The following DPH7 variants were observed in gnomAD, a reference collection of about 807,000 sequenced individuals.
DPH7 encodes the protein diphthamide biosynthesis 7, also known as diphthine methyltransferase.
In DPH7, 44 loss-of-function variants were observed where a neutral mutation model predicts 41.7. That is an observed-to-expected ratio of 1.05 (90% CI 0.83 to 1.36). DPH7 has a LOEUF of 1.36. Among genes scored for constraint, DPH7 ranks in the 40% most tolerant of loss-of-function variants. The pLI, the probability that DPH7 is intolerant of heterozygous loss-of-function variation, is 0.00. For synonymous variants in DPH7, 275 were observed against 238.0 expected, an observed-to-expected ratio of 1.16 and a Z score of -1.43; for missense variants, 629 against 577.5, an observed-to-expected ratio of 1.09 and a Z score of -0.91.
In DPH7 at chr9:137,556,461, C is replaced by T. The variant is rs571206601; in HGVS notation, c.950-813G>A. The T allele has an allele frequency of 2.2e-5, 4 of 185,130 alleles. No individual in the cohort carries two copies. Among genetic ancestry groups the T allele is most frequent in the East Asian group, 3.4e-4 (2 of 5,870 alleles). The allele number at this position is 185,130 out of a possible 1,614,324, so 11.5% of individuals were successfully genotyped here. A position where few individuals can be genotyped will look rare whatever the true frequency, so the allele number is the denominator to read the frequency against. ...TACAGGGATTGATGCCAGCAGTGAC[C>T]GGAATCAGAACCAGAATGAGTGCTG... On this transcript the variant is annotated intron_variant, in intron 8 of 8. Transcript: ENST00000277540. The surrounding 1 kb of genome is among the most constrained non-coding windows in gnomAD (Gnocchi z 5.2).
chr9:137,556,677 G>A lies in DPH7; in HGVS notation c.950-1029C>T, dbSNP rs138895617. 10 of 364,342 alleles carry A rather than the reference G, an allele frequency of 2.7e-5. No individual in the cohort carries two copies. The highest frequency in any genetic ancestry group is 4.9e-5 in the Non-Finnish European group (9 of 183,374). The allele number at this position is 364,342 out of a possible 1,614,324, so 22.6% of individuals were successfully genotyped here. A position where few individuals can be genotyped will look rare whatever the true frequency, so the allele number is the denominator to read the frequency against. The stretch of plus-strand genomic sequence containing the variant: ...GGCCCTCGAGCAGCATGTGTGGGGC[G>A]ACCCTCGGGAGGAAGCCCCTGGGGA... On this transcript the variant is annotated intron_variant, in intron 8 of 8. Coordinates refer to ENST00000277540, the MANE Select transcript of DPH7 (RefSeq NM_138778.5). The surrounding 1 kb of genome is among the most constrained non-coding windows in gnomAD (Gnocchi z 5.2).
Position 137,564,591 on chromosome 9 carries a change from G to A in DPH7, c.792C>T (p.Ile264=). ...ILATGSYDEH[I]LLWDTRNMKQ... ...TCATGTTTCGTGTGTCCCACAGTAG[G>A]ATGTGTTCATCATAGCTGAAACCGA... The change falls in exon 8 of 9, where the codon ATC becomes ATT. Residue 264 remains isoleucine, a synonymous_variant. Transcript: ENST00000277540. The A allele has an allele frequency of 6.2e-7, 1 of 1,612,822 alleles. No homozygotes were observed.
At position 137,576,117 on chromosome 9, in the gene DPH7, CTGGCATCTGCCAAGCCCAAGA is replaced by C; in HGVS notation, c.317_337del (p.Leu106_Ser113delinsArg). 1 of 1,613,922 alleles carries C rather than the reference CTGGCATCTGCCAAGCCCAAGA, an allele frequency of 6.2e-7. No individual in the cohort carries two copies. The highest frequency in any genetic ancestry group is 8.5e-7 in the Non-Finnish European group (1 of 1,180,044). ...CAGGCGGAGCAGTTGTATGGATCCA[CTGGCATCTGCCAAGCCCAAGA>C]GGGCATGTCCAGCCACCGGGATGTG... is the stretch of plus-strand genomic sequence containing the variant. On this transcript the variant is annotated inframe_deletion, in exon 3 of 9. Transcript: ENST00000277540.
At position 137,555,229 on chromosome 9, in the gene DPH7, G is replaced by T; in HGVS notation, c.*10C>A. ...GTTTCCTTGTGGGAAGGGGCTTCAT[G>T]ATTTCAAGCTCAGTTCCCCTCCCAC... On this transcript the variant is annotated 3_prime_UTR_variant, in exon 9 of 9. Transcript: ENST00000277540. The T allele has an allele frequency of 6.3e-7, 1 of 1,575,596 alleles. No homozygotes were observed. Among genetic ancestry groups the T allele is most frequent in the Non-Finnish European group, 8.6e-7 (1 of 1,158,316 alleles).
rs1837557682 is a variant in DPH7 at position 137,556,665 on chromosome 9, CAT to C, written c.950-1019_950-1018del. On this transcript the variant is annotated intron_variant, in intron 8 of 8. Transcript: ENST00000277540. The surrounding 1 kb of genome is among the most constrained non-coding windows in gnomAD (Gnocchi z 5.2). ...GACAGCCACAGGGGCCCTCGAGCAGCATGTGTGGGGCGACCCTCGGGAGGAAG... is the reference window on the plus strand; with the variant it reads ...GACAGCCACAGGGGCCCTCGAGCAGCGTGTGGGGCGACCCTCGGGAGGAAG... The C allele has an allele frequency of 2.8e-6, 1 of 358,764 alleles. No individual in the cohort carries two copies. The highest frequency in any genetic ancestry group is 2.2e-5 in the African/African-American group (1 of 46,460). 22.2% of individuals were successfully genotyped at this position (358,764 alleles called of 1,614,324 possible).
intron 1 of DPH7, 190 bp downstream of exon 1, chr9:137,578,435 G>A (rs2133256869): frequency 1.7e-6 from 1 of 602,822 alleles, no homozygotes; most frequent in South Asian, 2.6e-5. Context: ...CAAAGTGCTG[G>A]GATTACAGGC....
At chr9:137,559,403 G>A (rs1056438582) in intron 8 of DPH7, among the ~76,000 whole-genome samples, 2 of 151,676 alleles carry the variant, frequency 1.3e-5, no homozygotes, top group African/African-American at 4.8e-5. Context: ...TAGCAGACCT[G>A]GAAAGGGAGT....
intron 3 of DPH7, 27 bp from the exon 4 acceptor site, chr9:137,574,870 A>G (rs1841108016): frequency 1.9e-6 from 3 of 1,612,346 alleles, no homozygotes; most frequent in Non-Finnish European, 2.5e-6. Flanking sequence ...AACTCCATCA[A>G]AGGGAAGTAG....
chr9:137,563,272 C>A (rs1216775502), intron 8 of DPH7, among the ~76,000 whole-genome samples: 3 of 152,158 alleles, frequency 2.0e-5, no homozygotes, highest in Non-Finnish European at 2.9e-5. Flanking sequence ...GTGGCTCACG[C>A]CTGTAATCCT....
At chr9:137,564,168 G>A in intron 8 of DPH7, among the ~76,000 whole-genome samples, 1 of 152,332 alleles carries the variant, frequency 6.6e-6, no homozygotes, top group African/African-American at 2.4e-5. Context: ...TCCCAGTGGG[G>A]TCAGAGGTCT....
At chr9:137,558,748 T>G (rs1410559216) in intron 8 of DPH7, among the ~76,000 whole-genome samples, 1 of 152,070 alleles carries the variant, frequency 6.6e-6, no homozygotes, top group South Asian at 2.1e-4. Flanking sequence ...TTATTTTTTA[T>G]TTTTTTTGAG....
chr9:137,571,169 C>T (rs1840362385), intron 5 of DPH7, among the ~76,000 whole-genome samples: 1 of 152,044 alleles, frequency 6.6e-6, no homozygotes, highest in Admixed American at 6.6e-5. Context: ...CCACCCCATC[C>T]TCAAAATGTA....
chr9:137,570,939 CT>C (rs1840323189), intron 5 of DPH7, among the ~76,000 whole-genome samples: 1 of 152,132 alleles, frequency 6.6e-6, no homozygotes, highest in African/African-American at 2.4e-5. Context: ...CATATTATGC[CT>C]TGTGTTTACT....
intron 2 of DPH7, 30 bp from the exon 3 acceptor site, chr9:137,576,197 A>C (rs1222437106): frequency 6.3e-7 from 1 of 1,598,056 alleles, no homozygotes; most frequent in Non-Finnish European, 8.6e-7. Context: ...TAAGCACACC[A>C]ATGTGCCCGG....
chr9:137,577,146 T>C (rs141490381), intron 2 of DPH7, among the ~76,000 whole-genome samples: 50 of 152,268 alleles, frequency 3.3e-4, no homozygotes, highest in African/African-American at 1.0e-3. Context: ...CGTGCTCCAT[T>C]GTTGACCAAA....
chr9:137,569,969 C>G (rs1430790072), intron 5 of DPH7, among the ~76,000 whole-genome samples: 1 of 150,354 alleles, frequency 6.7e-6, no homozygotes, highest in African/African-American at 2.5e-5. Flanking sequence ...ATCCATCCAT[C>G]CAGTCATCCA....
intron 1 of DPH7, chr9:137,578,048 T>A (rs1564476401): frequency 1.0e-6 from 1 of 972,862 alleles, no homozygotes; most frequent in Non-Finnish European, 1.2e-6. Flanking sequence ...CCGGGGGCGG[T>A]GGCTCGTGCC....
intron 8 of DPH7, among the ~76,000 whole-genome samples, chr9:137,563,907 A>G: frequency 6.6e-6 from 1 of 152,238 alleles, no homozygotes; most frequent in South Asian, 2.1e-4. Flanking sequence ...CCAGGGACCT[A>G]CTAGAACACA....
In DPH7 at chr9:137,555,661, A is replaced by G. The variant is rs762344197; in HGVS notation, c.950-13T>C. 5.1e-6 allele frequency: 8 copies of G among 1,569,994 alleles called. No individual in the cohort carries two copies. The East Asian group carries it at 1.8e-4, about 35-fold the overall frequency. ...TCCTGCCTCTCCTCTGGAGTGAGAG[A>G]TGGGAGAACCCAGGAAACACAACAT... On this transcript the variant is annotated splice_polypyrimidine_tract_variant and intron_variant, in intron 8 of 8. Transcript: ENST00000277540.
Sources: allele counts gnomAD v4.1 joint callset (sites outside exome capture counted in the v4.1 genomes callset), GRCh38; gene constraint gnomAD v4.1.1; non-coding constraint Gnocchi (gnomAD v3.1); transcripts MANE v1.5; gene names NCBI Gene and HGNC (gene_info 2026-07-23, HGNC 2026-07-21).